Variants in USP4 observed in about 807,000 individuals in gnomAD.
USP4 encodes the protein ubiquitin carboxyl-terminal hydrolase 4.
A neutral mutation model predicts 118.2 loss-of-function variants in USP4; 72 were observed. That is an observed-to-expected ratio of 0.61 (90% CI 0.50 to 0.74). USP4 has a LOEUF of 0.74. USP4 is among the 30% of genes least tolerant of loss of function. The probability of loss-of-function intolerance (pLI) is 0.00; values close to 1 mark genes in which losing one functional copy is unlikely to be tolerated. For missense variants in USP4, 1,037 were observed against 1,185.7 expected (o/e 0.87, Z 1.84); for synonymous variants, 415 against 440.4 (o/e 0.94, Z 0.72).
At chr3:49,281,710 G>A (rs1370924589) in intron 19 of USP4, among the ~76,000 whole-genome samples, 6 of 128,792 alleles carry the variant, frequency 4.7e-5, no homozygotes, top group East Asian at 2.4e-4. Flanking sequence ...GCGTAACTCC[G>A]TCTCAAAAAA....
At chr3:49,280,694 T>C in intron 20 of USP4, 50 bp downstream of exon 20, 3 of 1,511,280 alleles carry the variant, frequency 2.0e-6, no homozygotes, top group Middle Eastern at 3.4e-4. Context: ...TGAGAGATGA[T>C]GGCCGAGCAC....
chr3:49,337,858 C>T (rs1314702280), intron 1 of USP4, among the ~76,000 whole-genome samples: 5 of 151,302 alleles, frequency 3.3e-5, no homozygotes, highest in African/African-American at 1.2e-4. Context: ...CCATCCTGGC[C>T]AACATGGTGA....
At chr3:49,321,720 G>A (rs888304399) in intron 6 of USP4, among the ~76,000 whole-genome samples, 19 of 151,940 alleles carry the variant, frequency 1.3e-4, no homozygotes, top group Admixed American at 3.3e-4. Context: ...TTGGCCGGGC[G>A]CCGTGGCTTA....
intron 6 of USP4, among the ~76,000 whole-genome samples, chr3:49,324,064 T>A (rs886675757): frequency 6.6e-6 from 1 of 152,116 alleles, no homozygotes; most frequent in Non-Finnish European, 1.5e-5. Flanking sequence ...AATGGTGCGA[T>A]CTCAGCTCAC....
At chr3:49,311,379 G>T in intron 7 of USP4, 135 bp downstream of exon 7, 4 of 952,088 alleles carry the variant, frequency 4.2e-6, no homozygotes, top group Non-Finnish European at 6.1e-6. Flanking sequence ...GAAATGGAGT[G>T]AGAAACTACA....
At chr3:49,300,763 C>T in intron 10 of USP4, 72 bp from the exon 11 acceptor site, 1 of 1,419,710 alleles carries the variant, frequency 7.0e-7, no homozygotes, top group Non-Finnish European at 9.7e-7. Context: ...GAATGACTCA[C>T]AGCAAACCTG....
intron 15 of USP4, among the ~76,000 whole-genome samples, chr3:49,287,375 C>T (rs140880337): frequency 0.024 from 3,700 of 152,010 alleles, 160 homozygotes; most frequent in African/African-American, 0.085. Flanking sequence ...AGGATGGTCT[C>T]TAGCTCCTGA....
At chr3:49,338,811 T>G (rs1352363649) in intron 1 of USP4, among the ~76,000 whole-genome samples, 1 of 152,118 alleles carries the variant, frequency 6.6e-6, no homozygotes, top group Admixed American at 6.6e-5. Context: ...ATTCTCCTGC[T>G]CAATTCCTCG....
chr3:49,297,342 T>C (rs891930976), intron 13 of USP4, among the ~76,000 whole-genome samples: 1 of 152,298 alleles, frequency 6.6e-6, no homozygotes, highest in Non-Finnish European at 1.5e-5. Flanking sequence ...GAGGCCTTTG[T>C]ATTGTCCTCA....
rs1167377735 is a variant in USP4, at chr3:49,339,947, G to C, written c.78C>G (p.Thr26=). The C allele has an allele frequency of 5.0e-6, 8 of 1,613,040 alleles. No homozygotes were observed. The South Asian group carries it at 7.7e-5, about 15-fold the overall frequency. Residue 26 remains threonine, a synonymous_variant, in exon 1 of 22, where the codon ACC becomes ACG. Transcript: ENST00000265560. ...QKSELGPLMR[T]TLQRGAQWYL... ...ACCACTGCGCCCCGCGTTGGAGTGT[G>C]GTCCTCATTAAGGGTCCAAGCTCGG... is the stretch of plus-strand genomic sequence containing the variant.
intron 15 of USP4, among the ~76,000 whole-genome samples, chr3:49,290,179 C>T (rs1559466215): frequency 6.6e-6 from 1 of 152,070 alleles, no homozygotes; most frequent in Admixed American, 6.6e-5. Flanking sequence ...CTTTGGAAGG[C>T]GAAGGTGAGC....
chr3:49,336,175 T>TTC (rs2047667682), intron 1 of USP4, among the ~76,000 whole-genome samples: 1 of 145,602 alleles, frequency 6.9e-6, no homozygotes, highest in Admixed American at 6.9e-5. Flanking sequence ...CTTTTTTTTT[T>TTC]TTTTTTTTTT....
At chr3:49,322,803 G>GATCGCA (rs1169899999) in intron 6 of USP4, among the ~76,000 whole-genome samples, 1 of 151,028 alleles carries the variant, frequency 6.6e-6, no homozygotes, top group Non-Finnish European at 1.5e-5. Flanking sequence ...GGTGCAGTGA[G>GATCGCA]CTGAGATCGC....
At chr3:49,295,742 C>A (rs566094850) in intron 13 of USP4, among the ~76,000 whole-genome samples, 4 of 142,968 alleles carry the variant, frequency 2.8e-5, no homozygotes, top group South Asian at 4.2e-4. Context: ...ACACCCCCCC[C>A]TCCCCAAATG....
intron 6 of USP4, among the ~76,000 whole-genome samples, chr3:49,316,192 G>A (rs2107791811): frequency 6.6e-6 from 1 of 152,178 alleles, no homozygotes; most frequent in East Asian, 1.9e-4. Context: ...ATGAGAGCGA[G>A]ACTTCATCTA....
chr3:49,279,046 C>A, intron 20 of USP4, 144 bp from the exon 21 acceptor site: 1 of 449,544 alleles, frequency 2.2e-6, no homozygotes. Flanking sequence ...TCTTAACAAC[C>A]AAAAAACAAC....
chr3:49,299,821 C>A (rs2047246808), intron 11 of USP4, among the ~76,000 whole-genome samples: 1 of 152,226 alleles, frequency 6.6e-6, no homozygotes, highest in African/African-American at 2.4e-5. Flanking sequence ...ATCTTCTGTA[C>A]AGGCTGTCCT....
chr3:49,283,551 T>C (rs1575600075), intron 19 of USP4, among the ~76,000 whole-genome samples: 1 of 152,266 alleles, frequency 6.6e-6, no homozygotes, highest in East Asian at 1.9e-4. Flanking sequence ...TCCCAATCCC[T>C]ACCCCAGGGA....
rs576454594 is a variant in USP4, at chr3:49,311,476, C to T, written c.836+38G>A. The T allele has an allele frequency of 5.6e-6, 9 of 1,606,358 alleles. No homozygotes were observed. In the South Asian group the frequency reaches 7.7e-5, roughly 14 times the overall value. On this transcript the variant is annotated intron_variant, in intron 7 of 21. Coordinates refer to ENST00000265560, the MANE Select transcript of USP4 (RefSeq NM_003363.4). ...CTCAAGATACAGCCTGGGAAAGGAC[C>T]ACGGGAAAGGAAGCAGAGTGAAAGG...
Sources: allele counts gnomAD v4.1 joint callset (sites outside exome capture counted in the v4.1 genomes callset), GRCh38; gene constraint gnomAD v4.1.1; transcripts MANE v1.5; gene names NCBI Gene and HGNC (gene_info 2026-07-23, HGNC 2026-07-21).